The following LINGO1 variants were observed in gnomAD, a reference collection of about 807,000 sequenced individuals.
LINGO1 encodes leucine rich repeat and Ig domain containing 1, also known as leucine-rich repeat and immunoglobulin-like domain-containing nogo receptor-interacting protein 1.
A neutral mutation model predicts 37.3 loss-of-function variants in LINGO1; 11 were observed. The observed-to-expected ratio is 0.29, with a 90% CI of 0.19 to 0.49. The LOEUF (loss-of-function observed/expected upper bound fraction) is 0.49. Ranked by LOEUF, LINGO1 falls within the 20% of genes least tolerant of loss-of-function variation. The pLI is 0.99. For missense variants in LINGO1, 585 were observed against 878.2 expected (o/e 0.67, Z 4.22); for synonymous variants, 387 against 403.0 (o/e 0.96, Z 0.48).
Position 77,614,342 on chromosome 15 carries a change from G to A in LINGO1, c.1565C>T (p.Pro522Leu). 1 of 1,613,944 alleles carries A rather than the reference G, an allele frequency of 6.2e-7. No homozygotes were observed. Among genetic ancestry groups the A allele is most frequent in the Non-Finnish European group, 8.5e-7 (1 of 1,179,906 alleles). The change falls in exon 2 of 2, where the codon CCC becomes CTC. Residue 522 changes from proline (P) to leucine (L), a missense_variant. Physicochemically the swap from Pro to Leu is moderately conservative, Grantham distance 98 (BLOSUM62 -3). Transcript: ENST00000355300. ...AGCGAAGGTCTTGTTGGGCTGATGG[G>A]GCCAGTCGGGCGAGTAGCTGCGCAC... The part of the protein sequence containing the change: ...LHVRSYSPDW[P>L]HQPNKTFAFI...
chr15:77,804,979 A>AC (rs540458993), intron 1 of LINGO1, among the ~76,000 whole-genome samples: 16 of 151,460 alleles, frequency 1.1e-4, no homozygotes, highest in African/African-American at 2.2e-4. Flanking sequence ...CTCAGTGCCC[A>AC]CCCCCCCAAC....
intron 1 of LINGO1, among the ~76,000 whole-genome samples, chr15:77,772,588 G>A (rs542845018): frequency 2.0e-5 from 3 of 152,122 alleles, no homozygotes; most frequent in African/African-American, 7.2e-5. Context: ...GCTGGGGTGG[G>A]GGGTCTATGG....
chr15:77,705,682 A>G (rs576488548), intron 2 of LINGO1, among the ~76,000 whole-genome samples: 26 of 152,280 alleles, frequency 1.7e-4, no homozygotes, highest in Admixed American at 1.7e-3. Context: ...CTAATTTTTT[A>G]CTTCTTCTCA....
chr15:77,675,957 C>T (rs2075320417), intron 3 of LINGO1, among the ~76,000 whole-genome samples: 1 of 152,230 alleles, frequency 6.6e-6, no homozygotes, highest in Non-Finnish European at 1.5e-5. Flanking sequence ...TGGTTCCTTT[C>T]ACAGCTCCAT....
chr15:77,664,170 T>TGTGTGTGTGTGCGCGCGCGCGC, intron 3 of LINGO1, among the ~76,000 whole-genome samples: 5 of 130,944 alleles, frequency 3.8e-5, no homozygotes, highest in African/African-American at 1.5e-4. Flanking sequence ...TGTGTGTGTG[T>TGTGTGTGTGTGCGCGCGCGCGC]GCGCGCGCGC....
intron 1 of LINGO1, among the ~76,000 whole-genome samples, chr15:77,797,673 C>T (rs1484662421): frequency 6.6e-6 from 1 of 152,216 alleles, no homozygotes; most frequent in Non-Finnish European, 1.5e-5. Context: ...CAGACCAGCC[C>T]CTCCTTTCTG....
intron 2 of LINGO1, among the ~76,000 whole-genome samples, chr15:77,703,276 T>C (rs2141278137): frequency 6.6e-6 from 1 of 152,314 alleles, no homozygotes; most frequent in African/African-American, 2.4e-5. Context: ...GGGATTCTTG[T>C]AACTGAGAAA....
chr15:77,643,137 T>A (rs1351671169), intron 3 of LINGO1, among the ~76,000 whole-genome samples: 1 of 152,236 alleles, frequency 6.6e-6, no homozygotes, highest in African/African-American at 2.4e-5. Context: ...CACCTGCCTG[T>A]CTGTCACCCG....
chr15:77,743,209 C>A (rs1379199997), intron 1 of LINGO1, among the ~76,000 whole-genome samples: 1 of 152,146 alleles, frequency 6.6e-6, no homozygotes, highest in African/African-American at 2.4e-5. Context: ...TAGGCAGCAC[C>A]TTTCCCTCCT....
chr15:77,810,310 TCACACACACACATACACATGCA>T (rs2076994813), intron 1 of LINGO1, among the ~76,000 whole-genome samples: 1 of 144,686 alleles, frequency 6.9e-6, no homozygotes. Flanking sequence ...GTAACTAGGC[TCACACACACACATACACATGCA>T]CACACACACA....
intron 1 of LINGO1, chr15:77,796,202 G>A: frequency 6.6e-6 from 1 of 152,468 alleles, no homozygotes. Context: ...ACTCTGACAT[G>A]CACACACTTG....
rs116340182 is a variant in LINGO1, at chr15:77,718,396, G to A, written c.-195+16596C>T. 3.5e-3 allele frequency among the ~76,000 whole-genome samples: 524 copies of A among 150,926 alleles called. 7 individuals are homozygous for A. Among genetic ancestry groups the A allele is most frequent in the African/African-American group, 0.012 (507 of 41,492 alleles). ...GCTGTGCATGTGATATGCACACAGC[G>A]CCCACATGTATACACACACGTGTCA... On this transcript the variant is annotated intron_variant, in intron 2 of 3. Coordinates refer to the LINGO1 transcript ENST00000561686.
chr15:77,677,351 A>G (rs1258767637), intron 2 of LINGO1, among the ~76,000 whole-genome samples: 2 of 151,836 alleles, frequency 1.3e-5, no homozygotes, highest in Non-Finnish European at 2.9e-5. Flanking sequence ...CCCACTTCCC[A>G]GCACCCTGGA....
At chr15:77,656,260 T>G (rs576839119) in intron 3 of LINGO1, among the ~76,000 whole-genome samples, 3 of 152,018 alleles carry the variant, frequency 2.0e-5, no homozygotes, top group Non-Finnish European at 2.9e-5. Context: ...GGAAAGGAGG[T>G]CCCTGATCAA....
At chr15:77,682,883 T>C (rs1170490289) in intron 2 of LINGO1, among the ~76,000 whole-genome samples, 1 of 152,080 alleles carries the variant, frequency 6.6e-6, no homozygotes, top group East Asian at 1.9e-4. Context: ...CCTGACAGAT[T>C]TGACTAAATA....
At chr15:77,804,675 A>T (rs1401012864) in intron 1 of LINGO1, among the ~76,000 whole-genome samples, 1 of 152,058 alleles carries the variant, frequency 6.6e-6, no homozygotes, top group Non-Finnish European at 1.5e-5. Context: ...TCCAGGCTGG[A>T]GGGCTGAGAG....
rs552141616 is a variant in LINGO1, at chr15:77,785,606, G to C, written c.-257+1263C>G. Among the ~76,000 whole-genome samples, 12 of 151,946 alleles carry C rather than the reference G, an allele frequency of 7.9e-5. No individual in the cohort carries two copies. The South Asian group carries it at 1.3e-3, about 16-fold the overall frequency. ...AGGGCTCCAGGGCTGGGACCTCTCA[G>C]GGCTCTGACCCCCAGCCCCCAGCAG... On this transcript the variant is annotated intron_variant, in intron 1 of 3. Coordinates refer to the LINGO1 transcript ENST00000561686.
At chr15:77,746,637 G>A (rs1412069962) in intron 1 of LINGO1, among the ~76,000 whole-genome samples, 2 of 152,064 alleles carry the variant, frequency 1.3e-5, no homozygotes, top group African/African-American at 2.4e-5. Context: ...GCCCTGCCTG[G>A]AGGATAACAA....
chr15:77,817,857 C>T (rs1156710735), intron 1 of LINGO1, among the ~76,000 whole-genome samples: 5 of 152,152 alleles, frequency 3.3e-5, no homozygotes, highest in African/African-American at 1.2e-4. Flanking sequence ...ACTTGCCCAC[C>T]GGTCCTGCAT....
Sources: allele counts gnomAD v4.1 joint callset (sites outside exome capture counted in the v4.1 genomes callset), GRCh38; gene constraint gnomAD v4.1.1; transcripts MANE v1.5; gene names NCBI Gene and HGNC (gene_info 2026-07-23, HGNC 2026-07-21).